KSR2: variants seen among roughly 807,000 people sequenced by gnomAD.
The protein encoded by KSR2 is kinase suppressor of ras 2.
In KSR2, 25 loss-of-function variants were observed where a neutral mutation model predicts 107.8. The observed-to-expected ratio is 0.23, with a 90% confidence interval of 0.17 to 0.32. KSR2 has a LOEUF of 0.32. Ranked by LOEUF, KSR2 falls within the 10% of genes least tolerant of loss-of-function variation. The pLI is 1.00. For missense variants in KSR2, 887 were observed against 1,268.9 expected (o/e 0.70, Z 4.57); for synonymous variants, 480 against 507.0 (o/e 0.95, Z 0.71).
intron 1 of KSR2, among the ~76,000 whole-genome samples, chr12:117,872,543 C>A (rs562751489): frequency 6.7e-6 from 1 of 149,816 alleles, no homozygotes; most frequent in East Asian, 2.0e-4. Context: ...CCCACAGGGA[C>A]AGCAGAGCAA....
intron 14 of KSR2, among the ~76,000 whole-genome samples, chr12:117,490,795 G>A (rs1345138652): frequency 6.6e-6 from 1 of 152,188 alleles, no homozygotes; most frequent in Non-Finnish European, 1.5e-5. Context: ...CAGGGGTTAA[G>A]TAGAGCGGGG....
At chr12:117,533,110 T>C (rs142174473) in intron 10 of KSR2, among the ~76,000 whole-genome samples, 1 of 152,300 alleles carries the variant, frequency 6.6e-6, no homozygotes, top group African/African-American at 2.4e-5. Flanking sequence ...TAAAAGTGTA[T>C]TGAAGGTGCT....
chr12:117,629,195 C>T (rs2136366027), intron 5 of KSR2, among the ~76,000 whole-genome samples: 1 of 152,360 alleles, frequency 6.6e-6, no homozygotes, highest in South Asian at 2.1e-4. Flanking sequence ...GGCTCACCCT[C>T]CATGGGCTGT....
At chr12:117,665,781 T>C (rs1298272964) in intron 5 of KSR2, among the ~76,000 whole-genome samples, 3 of 152,192 alleles carry the variant, frequency 2.0e-5, no homozygotes, top group African/African-American at 7.2e-5. Flanking sequence ...ATTTTACAGA[T>C]GAGGAAACAG....
chr12:117,544,576 A>T (rs1876725807), intron 9 of KSR2, among the ~76,000 whole-genome samples: 2 of 151,880 alleles, frequency 1.3e-5, no homozygotes, highest in South Asian at 4.2e-4. Context: ...CTGAGATCAT[A>T]CCACTGCACT....
intron 3 of KSR2, among the ~76,000 whole-genome samples, chr12:117,837,876 C>A (rs1461097222): frequency 2.0e-5 from 3 of 152,208 alleles, no homozygotes; most frequent in Non-Finnish European, 4.4e-5. Context: ...GCAACAGGTT[C>A]TCTGTGTGGG....
At chr12:117,664,262 GC>G (rs1884557746) in intron 5 of KSR2, among the ~76,000 whole-genome samples, 1 of 152,142 alleles carries the variant, frequency 6.6e-6, no homozygotes, top group Admixed American at 6.5e-5. Flanking sequence ...GTGAGGCTTG[GC>G]CACACTACAG....
At chr12:117,752,215 C>G (rs775198344) in intron 4 of KSR2, among the ~76,000 whole-genome samples, 7 of 152,194 alleles carry the variant, frequency 4.6e-5, no homozygotes, top group Non-Finnish European at 8.8e-5. Context: ...CTTATCCAGC[C>G]TGGTTCTCTC....
intron 3 of KSR2, among the ~76,000 whole-genome samples, chr12:117,802,023 A>T (rs1490428039): frequency 6.6e-6 from 1 of 152,202 alleles, no homozygotes; most frequent in Non-Finnish European, 1.5e-5. Context: ...TGACAATAAG[A>T]TTAGGGGCTT....
chr12:117,663,969 T>C (rs1884544420), intron 5 of KSR2, among the ~76,000 whole-genome samples: 1 of 152,170 alleles, frequency 6.6e-6, no homozygotes, highest in Non-Finnish European at 1.5e-5. Flanking sequence ...GAGAGATAAG[T>C]CCACTGCTCT....
At chr12:117,679,390 G>A (rs371081568) in intron 4 of KSR2, among the ~76,000 whole-genome samples, 21 of 152,278 alleles carry the variant, frequency 1.4e-4, no homozygotes, top group African/African-American at 2.9e-4. Flanking sequence ...GAGGTTATGC[G>A]GCACTTGGTT....
At chr12:117,666,559 A>C (rs1884668195) in intron 5 of KSR2, among the ~76,000 whole-genome samples, 1 of 152,208 alleles carries the variant, frequency 6.6e-6, no homozygotes, top group Non-Finnish European at 1.5e-5. Context: ...AATGGGAATA[A>C]TCCATCTGCA....
chr12:117,732,413 C>T (rs910042384), intron 4 of KSR2, among the ~76,000 whole-genome samples: 11 of 151,980 alleles, frequency 7.2e-5, no homozygotes, highest in Admixed American at 4.6e-4. Flanking sequence ...CTCAGCCTCC[C>T]GAGTAGCTGG....
At chr12:117,692,207 G>A (rs886293692) in intron 4 of KSR2, among the ~76,000 whole-genome samples, 1 of 151,980 alleles carries the variant, frequency 6.6e-6, no homozygotes, top group Non-Finnish European at 1.5e-5. Flanking sequence ...ATGAAAAGAT[G>A]CTCAACATTA....
At chr12:117,912,461 G>A (rs879807554) in intron 1 of KSR2, among the ~76,000 whole-genome samples, 18 of 152,166 alleles carry the variant, frequency 1.2e-4, no homozygotes, top group Admixed American at 9.2e-4. Flanking sequence ...GTAAAGAACC[G>A]TGTTATAATT....
chr12:117,934,735 T>C (rs1319232994), intron 1 of KSR2, among the ~76,000 whole-genome samples: 4 of 152,244 alleles, frequency 2.6e-5, no homozygotes, highest in African/African-American at 9.6e-5. Flanking sequence ...CTGGAAATCC[T>C]GTTCACTCTA....
At chr12:117,658,022 A>G (rs949013548) in intron 5 of KSR2, among the ~76,000 whole-genome samples, 3 of 152,252 alleles carry the variant, frequency 2.0e-5, no homozygotes, top group African/African-American at 7.2e-5. Flanking sequence ...TTTCCCAAGG[A>G]AACATTAATT....
chr12:117,912,415 T>C (rs1895043565), intron 1 of KSR2, among the ~76,000 whole-genome samples: 1 of 152,184 alleles, frequency 6.6e-6, no homozygotes. Context: ...CTTAAGACCA[T>C]TTGGAACTAT....
chr12:117,494,919 G>A (rs1403826745), intron 14 of KSR2, among the ~76,000 whole-genome samples: 1 of 152,254 alleles, frequency 6.6e-6, no homozygotes, highest in Non-Finnish European at 1.5e-5. Flanking sequence ...CAAAGGCCCT[G>A]AGGTAGGACA....
Sources: gnomAD v4.1 joint callset for allele counts (sites outside exome capture counted in the v4.1 genomes callset) on GRCh38, gnomAD v4.1.1 for gene constraint, MANE v1.5 for transcripts, NCBI Gene and HGNC (gene_info 2026-07-23, HGNC 2026-07-21) for gene names.